Variants in HTR2C observed in about 807,000 individuals in gnomAD.
The protein encoded by HTR2C is 5-hydroxytryptamine receptor 2C, also known as 5-hydroxytryptamine (serotonin) receptor 2C, G protein-coupled.
In HTR2C, 5 loss-of-function variants were observed where a neutral mutation model predicts 21.0. That is an observed-to-expected ratio of 0.24 (90% CI 0.12 to 0.50). The LOEUF (loss-of-function observed/expected upper bound fraction) is 0.50, where lower values mean the gene tolerates loss of function less well. Ranked by LOEUF, HTR2C falls within the 20% of genes least tolerant of loss-of-function variation. HTR2C has a pLI of 0.98. For missense variants in HTR2C, 271 were observed against 371.2 expected (o/e 0.73, Z 2.22); for synonymous variants, 150 against 145.3 (o/e 1.03, Z -0.23).
At chrX:114,640,149 T>C (rs1556406129) in intron 2 of HTR2C, among the ~76,000 whole-genome samples, 1 of 111,853 alleles carries the variant, frequency 8.9e-6, no homozygotes, top group African/African-American at 3.2e-5. Context: ...CCATTCATAA[T>C]CTATTTATCT....
rs1054594612 is a variant in HTR2C at position 114,907,449 on chromosome X, G to A, written c.*34G>A. ...AGCACAGTCTTTTCCTACGGTACAAGCTACATATGTAGGAAAATTTTCTTC... is the reference window on the plus strand; with the variant it reads ...AGCACAGTCTTTTCCTACGGTACAAACTACATATGTAGGAAAATTTTCTTC... On this transcript the variant is annotated 3_prime_UTR_variant, in exon 6 of 6. Transcript: ENST00000276198. 2.9e-6 allele frequency: 3 copies of A among 1,028,458 alleles called. No individual in the cohort carries two copies. The African/African-American group carries it at 5.7e-5, about 20-fold the overall frequency. The allele number at this position is 1,028,458 out of a possible 1,213,427, so 84.8% of individuals were successfully genotyped here.
intron 5 of HTR2C, among the ~76,000 whole-genome samples, chrX:114,852,515 G>T (rs1336793020): frequency 2.7e-5 from 3 of 109,604 alleles, no homozygotes; most frequent in African/African-American, 9.9e-5. Context: ...ACTTTGTTTT[G>T]CTTTGTTCTT....
chrX:114,799,217 G>A (rs1556446149), intron 4 of HTR2C, among the ~76,000 whole-genome samples: 1 of 111,012 alleles, frequency 9.0e-6, no homozygotes, highest in Non-Finnish European at 1.9e-5. Flanking sequence ...GTTACCACTA[G>A]TGAATTTCAA....
At chrX:114,720,222 C>G (rs1261106430) in intron 2 of HTR2C, among the ~76,000 whole-genome samples, 1 of 110,684 alleles carries the variant, frequency 9.0e-6, no homozygotes, top group Non-Finnish European at 1.9e-5. Context: ...ATTTTGAGTT[C>G]CTAGATATTG....
At chrX:114,876,809 C>A (rs2071141472) in intron 5 of HTR2C, among the ~76,000 whole-genome samples, 1 of 110,553 alleles carries the variant, frequency 9.0e-6, no homozygotes, top group African/African-American at 3.3e-5. Context: ...GTGTATGATA[C>A]TTTTGATGAG....
At chrX:114,847,717 C>A (rs1556468025) in intron 4 of HTR2C, among the ~76,000 whole-genome samples, 1 of 110,606 alleles carries the variant, frequency 9.0e-6, no homozygotes, top group African/African-American at 3.3e-5. Context: ...GAACTAGAGA[C>A]AGATGCTAGT....
chrX:114,728,831 C>T (rs2069508570), intron 3 of HTR2C, among the ~76,000 whole-genome samples: 1 of 111,754 alleles, frequency 8.9e-6, no homozygotes, highest in Non-Finnish European at 1.9e-5. Context: ...GTCCTGTACC[C>T]CTCTACCATT....
At chrX:114,806,053 TACCATATATAC>T (rs1177369814) in intron 4 of HTR2C, among the ~76,000 whole-genome samples, 100 of 36,898 alleles carry the variant, frequency 2.7e-3, no homozygotes, top group South Asian at 0.019. Flanking sequence ...ACCATATGCA[TACCATATATAC>T]ACCATATATA....
intron 2 of HTR2C, chrX:114,717,600 G>T (rs1556419966): frequency 1.8e-5 from 2 of 111,558 alleles, no homozygotes; most frequent in Non-Finnish European, 1.9e-5. Context: ...GGGAAAAAAA[G>T]AATAAAAAGT....
intron 1 of HTR2C, among the ~76,000 whole-genome samples, chrX:114,591,400 A>T (rs1378291835): frequency 1.8e-5 from 2 of 111,938 alleles, no homozygotes; most frequent in Admixed American, 9.5e-5. Context: ...ATCTATTTTT[A>T]AAATCACTAT....
In HTR2C at chrX:114,755,194, C is replaced by T. The variant is rs184833861; in HGVS notation, c.349+23587C>T. ...GGTGGAGGTTGCAGTGAGCTGAGAT[C>T]GCACCATTGCACTCCAGCCTGGGGG... On this transcript the variant is annotated intron_variant, in intron 4 of 5. Transcript: ENST00000276198. Among the ~76,000 whole-genome samples, 22 of 105,654 alleles carry T rather than the reference C, an allele frequency of 2.1e-4. No individual in the cohort carries two copies. In the East Asian group the frequency reaches 4.5e-3, roughly 22 times the overall value. The allele number at this position is 105,654 out of a possible 115,157, so 91.7% of individuals were successfully genotyped here.
intron 4 of HTR2C, among the ~76,000 whole-genome samples, chrX:114,824,015 A>T (rs1278777344): frequency 1.8e-5 from 2 of 112,161 alleles, no homozygotes; most frequent in Non-Finnish European, 3.8e-5. Context: ...TAGTAAATTA[A>T]AAAATATGTC....
chrX:114,793,832 G>A (rs2070260433), intron 4 of HTR2C, among the ~76,000 whole-genome samples: 1 of 110,381 alleles, frequency 9.1e-6, no homozygotes, highest in African/African-American at 3.3e-5. Context: ...ATTGCAGCTA[G>A]AGTGGTGAAT....
intron 1 of HTR2C, among the ~76,000 whole-genome samples, chrX:114,595,143 A>C (rs1927780383): frequency 8.9e-6 from 1 of 111,861 alleles, no homozygotes; most frequent in Non-Finnish European, 1.9e-5. Context: ...AGAAAGGTTA[A>C]ATTACTTATG....
chrX:114,600,002 A>G (rs1430245488), intron 1 of HTR2C, among the ~76,000 whole-genome samples: 1 of 111,983 alleles, frequency 8.9e-6, no homozygotes, highest in Non-Finnish European at 1.9e-5. Flanking sequence ...AGGAAGTCCA[A>G]GAAAGAAATC....
intron 4 of HTR2C, among the ~76,000 whole-genome samples, chrX:114,821,897 G>C (rs1448543505): frequency 5.0e-5 from 2 of 40,095 alleles, no homozygotes; most frequent in Non-Finnish European, 9.4e-5. Context: ...TTTTTTTTTT[G>C]AGATGGAGTC....
chrX:114,812,023 T>C (rs1013674344), intron 4 of HTR2C, among the ~76,000 whole-genome samples: 10 of 111,414 alleles, frequency 9.0e-5, no homozygotes, highest in African/African-American at 2.9e-4. Flanking sequence ...GGTGGTTTGC[T>C]GCACCTATCA....
chrX:114,731,263 C>T, intron 3 of HTR2C, 31 bp from the exon 4 acceptor site: 7 of 1,053,531 alleles, frequency 6.6e-6, no homozygotes, highest in Non-Finnish European at 7.8e-6. Flanking sequence ...ATAATATGTA[C>T]CTGATTGTTT....
intron 2 of HTR2C, among the ~76,000 whole-genome samples, chrX:114,638,332 G>A (rs1314295044): frequency 9.0e-6 from 1 of 110,864 alleles, no homozygotes; most frequent in African/African-American, 3.3e-5. Flanking sequence ...ATTTAACAAT[G>A]TCTGTCACTG....
Sources: gnomAD v4.1 joint callset for allele counts (sites outside exome capture counted in the v4.1 genomes callset) on GRCh38, gnomAD v4.1.1 for gene constraint, MANE v1.5 for transcripts, NCBI Gene and HGNC (gene_info 2026-07-23, HGNC 2026-07-21) for gene names.